SDAD1: variants seen among roughly 807,000 people sequenced by gnomAD.
SDAD1 encodes SDA1 domain containing 1, also known as protein SDA1 homolog.
SDAD1 carries 79 observed loss-of-function variants against 100.3 expected under a neutral mutation model. The observed-to-expected ratio is 0.79, with a 90% CI of 0.66 to 0.95. SDAD1 has a LOEUF of 0.95. SDAD1 is among the 40% of genes least tolerant of loss of function. The probability of loss-of-function intolerance (pLI) is 0.00; values close to 1 mark genes in which losing one functional copy is unlikely to be tolerated. For synonymous variants in SDAD1, 267 were observed against 271.4 expected, an observed-to-expected ratio of 0.98 and a Z score of 0.16; for missense variants, 790 against 810.9, an observed-to-expected ratio of 0.97 and a Z score of 0.31.
At chr4:75,959,740 G>A (rs1729123528) in intron 17 of SDAD1, among the ~76,000 whole-genome samples, 1 of 152,178 alleles carries the variant, frequency 6.6e-6, no homozygotes, top group African/African-American at 2.4e-5. Context: ...AGAATTTTGG[G>A]GGATTCCTCT....
chr4:75,985,597 T>C (rs1730843952), intron 1 of SDAD1, among the ~76,000 whole-genome samples: 1 of 152,196 alleles, frequency 6.6e-6, no homozygotes, highest in Non-Finnish European at 1.5e-5. Flanking sequence ...TCTCACCCTC[T>C]ATCTCAATTC....
intron 21 of SDAD1, among the ~76,000 whole-genome samples, chr4:75,952,145 T>C (rs1238953655): frequency 6.6e-6 from 1 of 152,222 alleles, no homozygotes. Context: ...TAAGGAGGTA[T>C]TTTCCAGATT....
chr4:75,976,566 G>C (rs757963478), intron 4 of SDAD1, among the ~76,000 whole-genome samples: 82 of 152,246 alleles, frequency 5.4e-4, no homozygotes, highest in Non-Finnish European at 9.4e-4. Flanking sequence ...AGAGCTAAAA[G>C]GGATGAGGAA....
intron 1 of SDAD1, among the ~76,000 whole-genome samples, chr4:75,987,049 A>C (rs756330744): frequency 1.3e-5 from 2 of 151,732 alleles, no homozygotes; most frequent in African/African-American, 4.8e-5. Context: ...ATTCCACTTT[A>C]CTCTGTACCT....
At chr4:75,959,802 T>C (rs978926305) in intron 17 of SDAD1, among the ~76,000 whole-genome samples, 1 of 152,128 alleles carries the variant, frequency 6.6e-6, no homozygotes, top group African/African-American at 2.4e-5. Context: ...GATCATTGTC[T>C]TTCTCAAGCA....
rs1731233342 is a variant in SDAD1, at chr4:75,990,906, A to G, written c.-65T>C. 1.3e-6 allele frequency: 2 copies of G among 1,595,888 alleles called. No homozygotes were observed. Among genetic ancestry groups the G allele is most frequent in the African/African-American group, 1.3e-5 (1 of 74,692 alleles). On this transcript the variant is annotated 5_prime_UTR_variant, in exon 1 of 22. Transcript: ENST00000356260. ...AAACTCAGACGGCCGGCACCCCGCA[A>G]TCCCTGCCAGCTGCAGCTTGGACTC...
intron 8 of SDAD1, 66 bp from the exon 9 acceptor site, chr4:75,971,524 CT>C: frequency 8.9e-7 from 1 of 1,118,224 alleles, no homozygotes; most frequent in East Asian, 2.4e-5. Flanking sequence ...AAGAGTAAAC[CT>C]TTCAGCCACT....
intron 12 of SDAD1, among the ~76,000 whole-genome samples, chr4:75,966,188 G>A (rs758305607): frequency 2.0e-5 from 3 of 150,908 alleles, no homozygotes; most frequent in African/African-American, 4.9e-5. Context: ...CTTGTTTTAC[G>A]TTTACTGTGG....
At position 75,960,100 on chromosome 4, in the gene SDAD1, T is replaced by C. The variant is rs1328917567; in HGVS notation, c.1449A>G (p.Glu483=). The C allele has an allele frequency of 6.2e-7, 1 of 1,610,412 alleles. No homozygotes were observed. The highest frequency in any genetic ancestry group is 2.2e-5 in the East Asian group (1 of 44,876). The change falls in exon 17 of 22, where the codon GAA becomes GAG. Residue 483 remains glutamate, a synonymous_variant. Coordinates refer to ENST00000356260, the MANE Select transcript of SDAD1 (RefSeq NM_018115.4). ...KDYIPGAEVL[E]VEKEENAEND... ...TTTCAGCATTCTCTTCTTTCTCAAC[T>C]TCCAGAACTTCTGCTCCTGGAATGT...
chr4:75,971,524 C>G, intron 8 of SDAD1, 66 bp from the exon 9 acceptor site: 1 of 1,118,224 alleles, frequency 8.9e-7, no homozygotes, highest in Non-Finnish European at 1.3e-6. Flanking sequence ...AAGAGTAAAC[C>G]TTTCAGCCAC....
At chr4:75,966,317 CTCT>C (rs1281057737) in intron 12 of SDAD1, among the ~76,000 whole-genome samples, 1 of 150,904 alleles carries the variant, frequency 6.6e-6, no homozygotes, top group African/African-American at 2.4e-5. Flanking sequence ...CACACACTGT[CTCT>C]TTTCAAAGGG....
At chr4:75,977,282 G>A (rs1487540858) in intron 4 of SDAD1, among the ~76,000 whole-genome samples, 1 of 152,176 alleles carries the variant, frequency 6.6e-6, no homozygotes, top group African/African-American at 2.4e-5. Context: ...CTTGGGTTCT[G>A]GAACCAGAGC....
chr4:75,959,366 G>A (rs1380105898), intron 17 of SDAD1, among the ~76,000 whole-genome samples: 1 of 152,042 alleles, frequency 6.6e-6, no homozygotes, highest in Non-Finnish European at 1.5e-5. Context: ...CACTTTGGGA[G>A]GCCAAAATGG....
intron 3 of SDAD1, among the ~76,000 whole-genome samples, chr4:75,978,874 C>CA (rs958016109): frequency 1.0e-4 from 15 of 148,884 alleles, no homozygotes; most frequent in African/African-American, 3.0e-4. Context: ...AGCTACTTGG[C>CA]ACGCTGAGGT....
intron 4 of SDAD1, among the ~76,000 whole-genome samples, chr4:75,977,064 T>C (rs1285418381): frequency 6.6e-6 from 1 of 152,236 alleles, no homozygotes; most frequent in African/African-American, 2.4e-5. Context: ...ATGCTGGTAT[T>C]GTAGGTGTGA....
intron 13 of SDAD1, among the ~76,000 whole-genome samples, chr4:75,964,587 T>C (rs1026995902): frequency 7.8e-6 from 1 of 128,536 alleles, no homozygotes; most frequent in African/African-American, 2.9e-5. Flanking sequence ...AGAGTTAGTG[T>C]CTCTTCTATC....
chr4:75,950,786 T>C lies in SDAD1; in HGVS notation c.2028A>G (p.Arg676=). ...TTTTTCTCTTTTTCAAAAGTGCATC[T>C]CGTAGTGCCAACTGTAAGATAAAAA... ...RSFREKQLAL[R]DALLKKRKRM... The change falls in exon 22 of 22, where the codon CGA becomes CGG. Residue 676 remains arginine (R), a synonymous_variant. Coordinates refer to ENST00000356260, the MANE Select transcript of SDAD1 (RefSeq NM_018115.4). 6.3e-7 allele frequency: 1 copy of C among 1,588,552 alleles called. No individual in the cohort carries two copies. The highest frequency in any genetic ancestry group is 8.6e-7 in the Non-Finnish European group (1 of 1,160,072).
intron 6 of SDAD1, among the ~76,000 whole-genome samples, chr4:75,975,466 C>T (rs1203154690): frequency 3.3e-5 from 5 of 152,160 alleles, no homozygotes; most frequent in Admixed American, 2.0e-4. Flanking sequence ...CATGTCATTA[C>T]TTATAAAATG....
chr4:75,974,068 G>A lies in SDAD1; in HGVS notation c.636+8C>T, dbSNP rs1730016381. 1 of 1,612,712 alleles carries A rather than the reference G, an allele frequency of 6.2e-7. No individual in the cohort carries two copies. The highest frequency in any genetic ancestry group is 1.3e-5 in the African/African-American group (1 of 74,982). On this transcript the variant is annotated splice_region_variant and intron_variant, in intron 7 of 21. Coordinates refer to ENST00000356260, the MANE Select transcript of SDAD1 (RefSeq NM_018115.4). ...ACAGAGCTTACACACAGCCCTATAG[G>A]TGCTCACCTTGGTGACCTTAGAGAA...
Sources: allele counts gnomAD v4.1 joint callset (sites outside exome capture counted in the v4.1 genomes callset), GRCh38; gene constraint gnomAD v4.1.1; transcripts MANE v1.5; gene names NCBI Gene and HGNC (gene_info 2026-07-23, HGNC 2026-07-21).